Variants in BANK1 observed in about 807,000 individuals in gnomAD.
BANK1 encodes the protein B cell scaffold protein with ankyrin repeats 1.
BANK1 carries 95 observed loss-of-function variants against 94.5 expected under a neutral mutation model. That is an observed-to-expected ratio of 1.00 (90% CI 0.85 to 1.19). BANK1 has a LOEUF of 1.19. Among genes scored for constraint, BANK1 ranks in the 50% most tolerant of loss-of-function variants. The pLI is 0.00. For synonymous variants in BANK1, 334 were observed against 308.4 expected (o/e 1.08, Z -0.87); for missense variants, 987 against 932.2 (o/e 1.06, Z -0.77).
intron 1 of BANK1, among the ~76,000 whole-genome samples, chr4:101,794,805 C>T (rs966574560): frequency 6.7e-6 from 1 of 148,804 alleles, no homozygotes; most frequent in African/African-American, 2.5e-5. Context: ...AAGATGACTT[C>T]CCTCTTTAAT....
At chr4:102,033,658 C>T (rs907389265) in intron 10 of BANK1, among the ~76,000 whole-genome samples, 1 of 151,986 alleles carries the variant, frequency 6.6e-6, no homozygotes, top group Admixed American at 6.6e-5. Flanking sequence ...AGACTGGCAC[C>T]CTTCAATATT....
intron 1 of BANK1, among the ~76,000 whole-genome samples, chr4:101,824,175 C>A (rs999756910): frequency 6.6e-6 from 1 of 152,182 alleles, no homozygotes; most frequent in African/African-American, 2.4e-5. Flanking sequence ...GAGGTTGTCT[C>A]CCTATTCTTG....
chr4:101,980,757 A>G (rs150287708), intron 7 of BANK1, among the ~76,000 whole-genome samples: 6,674 of 152,088 alleles, frequency 0.044, 230 homozygotes, highest in Non-Finnish European at 0.063. Context: ...TCATGTTTGC[A>G]AAGATGGTTT....
intron 1 of BANK1, among the ~76,000 whole-genome samples, chr4:101,792,718 C>T (rs1259297337): frequency 1.3e-5 from 2 of 151,988 alleles, no homozygotes; most frequent in African/African-American, 4.8e-5. Flanking sequence ...CAGTTTCATG[C>T]CCAGGAAGGT....
chr4:101,862,505 G>T, intron 3 of BANK1, 21 bp from the exon 4 acceptor site: 1 of 1,583,346 alleles, frequency 6.3e-7, no homozygotes, highest in South Asian at 1.2e-5. Context: ...TGCTTAAATG[G>T]GTTACATTTT....
At chr4:101,977,611 C>A (rs1381016567) in intron 7 of BANK1, among the ~76,000 whole-genome samples, 1 of 152,118 alleles carries the variant, frequency 6.6e-6, no homozygotes, top group Admixed American at 6.6e-5. Flanking sequence ...ACAATTATTT[C>A]CAGACAAATG....
intron 7 of BANK1, among the ~76,000 whole-genome samples, chr4:101,991,539 G>A (rs1725706951): frequency 6.6e-6 from 1 of 152,156 alleles, no homozygotes; most frequent in Admixed American, 6.6e-5. Flanking sequence ...CATTCCACAG[G>A]ATTATCATTT....
chr4:101,940,665 G>C (rs1723711742), intron 7 of BANK1, among the ~76,000 whole-genome samples: 1 of 151,748 alleles, frequency 6.6e-6, no homozygotes, highest in Non-Finnish European at 1.5e-5. Context: ...CGTCCCCCAA[G>C]AGGGACTTGT....
At chr4:101,818,544 C>G (rs1033645348) in intron 1 of BANK1, among the ~76,000 whole-genome samples, 3 of 152,048 alleles carry the variant, frequency 2.0e-5, no homozygotes, top group Non-Finnish European at 4.4e-5. Context: ...GTACAGTAGT[C>G]CCCCTTCTCT....
intron 5 of BANK1, among the ~76,000 whole-genome samples, chr4:101,876,073 C>A (rs528817766): frequency 6.6e-6 from 1 of 152,258 alleles, no homozygotes; most frequent in African/African-American, 2.4e-5. Flanking sequence ...TCAGCCGCAA[C>A]AGGATAGGAC....
chr4:102,063,073 A>G lies in BANK1; in HGVS notation c.2149-2A>G. On this transcript the variant is annotated splice_acceptor_variant, in intron 12 of 16. Transcript: ENST00000322953. LOFTEE classifies it high-confidence loss of function. ...CTATGTCCTGGTTGTTTCCACATTAAGGAGAAATTACGACAACTACGAGAC... is the reference window on the plus strand; with the variant it reads ...CTATGTCCTGGTTGTTTCCACATTAGGGAGAAATTACGACAACTACGAGAC... 1 of 1,613,086 alleles carries G rather than the reference A, an allele frequency of 6.2e-7. No individual in the cohort carries two copies. The highest frequency in any genetic ancestry group is 8.5e-7 in the Non-Finnish European group (1 of 1,179,222).
chr4:101,795,821 G>A (rs1311774638), intron 1 of BANK1, among the ~76,000 whole-genome samples: 2 of 152,138 alleles, frequency 1.3e-5, no homozygotes, highest in Non-Finnish European at 2.9e-5. Flanking sequence ...CCACAGCCAT[G>A]TAAATCAAGT....
intron 1 of BANK1, among the ~76,000 whole-genome samples, chr4:101,797,347 T>G (rs1018706169): frequency 6.6e-6 from 1 of 152,150 alleles, no homozygotes; most frequent in African/African-American, 2.4e-5. Flanking sequence ...AACCAAAACC[T>G]AATTGCATAA....
At chr4:101,884,716 A>G (rs1186421898) in intron 5 of BANK1, among the ~76,000 whole-genome samples, 9 of 152,202 alleles carry the variant, frequency 5.9e-5, no homozygotes, top group Admixed American at 3.9e-4. Context: ...CCATACTAAT[A>G]CATATCAATG....
At chr4:102,071,226 A>G (rs763194725) in intron 13 of BANK1, 49 bp from the exon 14 acceptor site, 10 of 1,579,606 alleles carry the variant, frequency 6.3e-6, no homozygotes, top group South Asian at 1.1e-5. Context: ...AGAATTTAAG[A>G]TAAATATTGA....
intron 11 of BANK1, among the ~76,000 whole-genome samples, chr4:102,058,118 G>A (rs1486935213): frequency 6.6e-6 from 1 of 151,646 alleles, no homozygotes; most frequent in Non-Finnish European, 1.5e-5. Context: ...ATTACTTTTT[G>A]TTGGGCAATC....
chr4:101,962,339 C>T (rs1320241379), intron 7 of BANK1, among the ~76,000 whole-genome samples: 1 of 152,100 alleles, frequency 6.6e-6, no homozygotes, highest in Non-Finnish European at 1.5e-5. Context: ...CTCTTCTTGC[C>T]TAAACACAGG....
chr4:102,028,182 C>T (rs1268226058), intron 9 of BANK1, among the ~76,000 whole-genome samples: 1 of 152,114 alleles, frequency 6.6e-6, no homozygotes, highest in Non-Finnish European at 1.5e-5. Context: ...CTCAGGAAAT[C>T]GGTTCATAAA....
At position 101,918,024 on chromosome 4, in the gene BANK1, C is replaced by T; in HGVS notation, c.1041C>T (p.Leu347=). The T allele has an allele frequency of 6.2e-7, 1 of 1,610,710 alleles. No homozygotes were observed. The highest frequency in any genetic ancestry group is 1.3e-5 in the African/African-American group (1 of 74,906). ...YTHFKELPTL[L]HCAAKFGLKN... is the part of the protein sequence containing the mutation. ...ATTTCAAAGAACTTCCAACTCTTCTCCACTGTGCAGCAAAATTTGGCTTAA... is the reference window on the plus strand; with the variant it reads ...ATTTCAAAGAACTTCCAACTCTTCTTCACTGTGCAGCAAAATTTGGCTTAA... Residue 347 remains leucine, a synonymous_variant, in exon 7 of 17, where the codon CTC becomes CTT. Coordinates refer to ENST00000322953, the MANE Select transcript of BANK1 (RefSeq NM_017935.5).
Sources: gnomAD v4.1 joint callset for allele counts (sites outside exome capture counted in the v4.1 genomes callset) on GRCh38, gnomAD v4.1.1 for gene constraint, MANE v1.5 for transcripts, NCBI Gene and HGNC (gene_info 2026-07-23, HGNC 2026-07-21) for gene names.